PLCZ1: variants seen among roughly 807,000 people sequenced by gnomAD.
PLCZ1 encodes phospholipase C zeta 1.
PLCZ1 carries 64 observed loss-of-function variants against 76.8 expected under a neutral mutation model. The observed-to-expected ratio is 0.83, with a 90% CI of 0.68 to 1.03. The LOEUF is 1.03. PLCZ1 is among the 50% of genes least tolerant of loss of function. The pLI, the probability that PLCZ1 is intolerant of heterozygous loss-of-function variation, is 0.00. For missense variants in PLCZ1, 751 were observed against 713.7 expected (o/e 1.05, Z -0.60); for synonymous variants, 248 against 230.8 (o/e 1.07, Z -0.68).
Position 18,694,987 on chromosome 12 carries a change from G to A in PLCZ1, c.1384C>T (p.His462Tyr). The part of the protein sequence containing the change: ...NGGSGYILKP[H>Y]FLRESKSYFN... ...TATGATTTACTCTCTCTTAAGAAATGTGGTTTCAAAATATATCCAGAACCA... is the reference window on the plus strand; with the variant it reads ...TATGATTTACTCTCTCTTAAGAAATATGGTTTCAAAATATATCCAGAACCA... The change falls in exon 12 of 15, where the codon CAT (histidine) becomes TAT (tyrosine). Residue 462 changes from histidine to tyrosine, a missense_variant. Physicochemically the swap from His to Tyr is moderately conservative, Grantham distance 83 (BLOSUM62 2). Coordinates refer to ENST00000266505, the MANE Select transcript of PLCZ1 (RefSeq NM_033123.4). 6.2e-7 allele frequency: 1 copy of A among 1,609,694 alleles called. No homozygotes were observed. Among genetic ancestry groups the A allele is most frequent in the Non-Finnish European group, 8.5e-7 (1 of 1,176,384 alleles).
chr12:18,668,733 T>C, the PLCZ1 span, among the ~76,000 whole-genome samples: 4 of 152,150 alleles, frequency 2.6e-5, no homozygotes, highest in Non-Finnish European at 4.4e-5. Flanking sequence ...TGGGTAGAAG[T>C]GCTCACACCC....
intron 10 of PLCZ1, 56 bp from the exon 11 acceptor site, chr12:18,696,322 C>CCATATATATATATATATATATATATATA (rs1555180116): frequency 4.0e-6 from 1 of 253,072 alleles, no homozygotes; most frequent in African/African-American, 6.1e-5. Context: ...TAAAAAGCCA[C>CCATATATATATATATATATATATATATA]TATATATATA....
intron 7 of PLCZ1, among the ~76,000 whole-genome samples, chr12:18,704,510 G>C (rs1956347374): frequency 6.6e-6 from 1 of 152,066 alleles, no homozygotes; most frequent in African/African-American, 2.4e-5. Flanking sequence ...ATTTTTAGTA[G>C]AGACGGGGTT....
chr12:18,736,483 T>C (rs1285942149), intron 2 of PLCZ1, 139 bp from the exon 3 acceptor site: 3 of 1,198,202 alleles, frequency 2.5e-6, no homozygotes, highest in East Asian at 2.8e-5. Context: ...AATTGTATGA[T>C]AAATATTTTT....
At chr12:18,693,282 C>A (rs1954416309) in intron 12 of PLCZ1, 2 of 1,517,638 alleles carry the variant, frequency 1.3e-6, no homozygotes, top group Non-Finnish European at 1.8e-6. Flanking sequence ...TGACATGGAT[C>A]CCCTGGTCAC....
rs556354031 is a variant in PLCZ1, at chr12:18,688,101, T to C, written c.1579A>G (p.Ile527Val). 1 of 1,611,180 alleles carries C rather than the reference T, an allele frequency of 6.2e-7. No homozygotes were observed. The highest frequency in any genetic ancestry group is 1.1e-5 in the South Asian group (1 of 91,052). The change falls in exon 13 of 15, where the codon ATT becomes GTT. Residue 527 changes from isoleucine (I) to valine (V), a missense_variant. By Grantham distance (29) the Ile-to-Val change is conservative. Transcript: ENST00000266505. ...ATCAGGAGCTCACCATTTTTTTTAA[T>C]TACACGAGTCTGCTGCTTCATTTGA... Reference protein sequence around the residue: ...NDQMKQQTRVIKKNAFSPRWN... With the variant: ...NDQMKQQTRVVKKNAFSPRWN...
intron 5 of PLCZ1, among the ~76,000 whole-genome samples, chr12:18,717,670 G>T (rs964966952): frequency 1.3e-5 from 2 of 151,978 alleles, no homozygotes; most frequent in African/African-American, 4.8e-5. Context: ...TCTCTCTTGG[G>T]CTTCAACATC....
intron 4 of PLCZ1, among the ~76,000 whole-genome samples, chr12:18,722,241 A>G (rs1245046654): frequency 6.6e-6 from 1 of 151,948 alleles, no homozygotes; most frequent in Non-Finnish European, 1.5e-5. Context: ...TCCGTATCAC[A>G]TAGCACTCTC....
chr12:18,695,574 C>G (rs960234705), intron 11 of PLCZ1, among the ~76,000 whole-genome samples: 41 of 151,986 alleles, frequency 2.7e-4, no homozygotes, highest in African/African-American at 9.4e-4. Context: ...GAGAGTACCA[C>G]ACTCCACCCT....
intron 4 of PLCZ1, among the ~76,000 whole-genome samples, chr12:18,721,585 T>C (rs1958437053): frequency 6.6e-6 from 1 of 152,058 alleles, no homozygotes; most frequent in Admixed American, 6.6e-5. Context: ...ATTGTTTTGG[T>C]AATATTCTCT....
intron 12 of PLCZ1, chr12:18,693,736 T>A (rs1399866874): frequency 6.5e-6 from 10 of 1,536,670 alleles, no homozygotes; most frequent in Non-Finnish European, 3.6e-6. Flanking sequence ...ATGGATTTGA[T>A]TCTAGGGTAG....
downstream of PLCZ1, among the ~76,000 whole-genome samples, chr12:18,681,492 A>T (rs1306755174): frequency 6.6e-6 from 1 of 152,066 alleles, no homozygotes; most frequent in Non-Finnish European, 1.5e-5. Context: ...ATGTGAGAAC[A>T]TTCCCTGACT....
intron 12 of PLCZ1, chr12:18,693,241 A>C: frequency 2.6e-6 from 4 of 1,553,408 alleles, no homozygotes; most frequent in Non-Finnish European, 3.6e-6. Flanking sequence ...CTCAACCACA[A>C]GGTGCATACC....
At chr12:18,681,834 AG>A (rs1952447090), downstream of PLCZ1, among the ~76,000 whole-genome samples, 1 of 152,040 alleles carries the variant, frequency 6.6e-6, no homozygotes, top group Non-Finnish European at 1.5e-5. Context: ...GGTATAAATG[AG>A]AAGTTTATTC....
At chr12:18,732,875 A>G (rs923002536) in intron 3 of PLCZ1, among the ~76,000 whole-genome samples, 7 of 152,236 alleles carry the variant, frequency 4.6e-5, no homozygotes, top group Non-Finnish European at 1.0e-4. Flanking sequence ...CATAATGGAC[A>G]GTTAGATTGC....
At chr12:18,676,558 G>T in the PLCZ1 span, among the ~76,000 whole-genome samples, 4 of 152,054 alleles carry the variant, frequency 2.6e-5, no homozygotes, top group African/African-American at 4.8e-5. Context: ...TCATTTTATA[G>T]TTAGGTGTCT....
intron 9 of PLCZ1, 135 bp downstream of exon 9, chr12:18,701,366 G>C: frequency 6.8e-7 from 1 of 1,464,454 alleles, no homozygotes; most frequent in Non-Finnish European, 9.1e-7. Context: ...TGTTTTCAAA[G>C]TAAATTGTAA....
the PLCZ1 span, among the ~76,000 whole-genome samples, chr12:18,662,510 G>A: frequency 4.6e-5 from 7 of 151,976 alleles, no homozygotes; most frequent in Admixed American, 2.0e-4. Flanking sequence ...TTAAAAAAAA[G>A]GCTTTGTGAA....
the PLCZ1 span, among the ~76,000 whole-genome samples, chr12:18,676,058 C>T: frequency 2.6e-5 from 4 of 151,960 alleles, no homozygotes; most frequent in Admixed American, 1.3e-4. Context: ...ACCATCAACA[C>T]GAGTCAATAG....
Sources: gnomAD v4.1 joint callset for allele counts (sites outside exome capture counted in the v4.1 genomes callset) on GRCh38, gnomAD v4.1.1 for gene constraint, MANE v1.5 for transcripts, NCBI Gene and HGNC (gene_info 2026-07-23, HGNC 2026-07-21) for gene names.